GHR: variants seen among roughly 807,000 people sequenced by gnomAD.
The protein encoded by GHR is GH receptor.
Under a neutral mutation model 67.1 loss-of-function variants are expected in GHR, and 35 were observed. That is an observed-to-expected ratio of 0.52 (90% CI 0.40 to 0.69). The LOEUF (loss-of-function observed/expected upper bound fraction) is 0.69. Ranked by LOEUF, GHR falls within the 30% of genes least tolerant of loss-of-function variation. GHR has a pLI of 0.00. For missense variants in GHR, 792 were observed against 764.6 expected (o/e 1.04, Z -0.42); for synonymous variants, 272 against 269.1 (o/e 1.01, Z -0.10).
rs145445249 is a variant in GHR, at chr5:42,600,964, A to T, written c.71-28074A>T. On this transcript the variant is annotated intron_variant, in intron 2 of 9. Transcript: ENST00000230882. ...TTTTTGTGACGGAGTTTTGCTCTTG[A>T]TGCCCAGGCTGGAGTGCGATGGTGC... Among the ~76,000 whole-genome samples the T allele has an allele frequency of 6.9e-3, 490 of 71,436 alleles. 2 individuals carry two copies. Among genetic ancestry groups the T allele is most frequent in the African/African-American group, 0.028 (477 of 17,292 alleles). The allele number at this position is 71,436 out of a possible 152,430, so 46.9% of individuals were successfully genotyped here.
At chr5:42,482,054 T>G (rs1318156559) in intron 1 of GHR, among the ~76,000 whole-genome samples, 2 of 151,474 alleles carry the variant, frequency 1.3e-5, no homozygotes, top group Non-Finnish European at 2.9e-5. Flanking sequence ...TACAGATGGG[T>G]TTTTGGTGTG....
At chr5:42,575,764 G>A (rs188828034) in intron 2 of GHR, among the ~76,000 whole-genome samples, 9 of 151,362 alleles carry the variant, frequency 5.9e-5, no homozygotes, top group South Asian at 2.1e-4. Context: ...GGCTGGGCGC[G>A]ATGGCTCATG....
intron 2 of GHR, among the ~76,000 whole-genome samples, chr5:42,624,801 G>A (rs1753620899): frequency 6.6e-6 from 1 of 152,190 alleles, no homozygotes; most frequent in African/African-American, 2.4e-5. Context: ...ATGAAACAAA[G>A]TGTTCTCTGA....
intron 3 of GHR, among the ~76,000 whole-genome samples, chr5:42,665,526 C>T (rs1198090179): frequency 6.6e-6 from 1 of 151,648 alleles, no homozygotes; most frequent in Non-Finnish European, 1.5e-5. Flanking sequence ...TATTCTCACT[C>T]ATAGGTGGGA....
chr5:42,559,785 A>G (rs1749502812), intron 1 of GHR, among the ~76,000 whole-genome samples: 1 of 152,210 alleles, frequency 6.6e-6, no homozygotes, highest in Non-Finnish European at 1.5e-5. Context: ...CACATAAGGC[A>G]TTTTGGATCT....
chr5:42,441,752 G>T (rs543846336), intron 1 of GHR, among the ~76,000 whole-genome samples: 20 of 152,082 alleles, frequency 1.3e-4, no homozygotes, highest in Non-Finnish European at 2.2e-4. Flanking sequence ...CTCATGATTC[G>T]CCTGCCTTGG....
intron 3 of GHR, among the ~76,000 whole-genome samples, chr5:42,671,392 C>A (rs746071649): frequency 1.3e-5 from 2 of 151,954 alleles, no homozygotes; most frequent in African/African-American, 4.8e-5. Flanking sequence ...TAAGGGCCCA[C>A]CCCCATGATT....
intron 3 of GHR, among the ~76,000 whole-genome samples, chr5:42,671,001 G>T (rs1028682735): frequency 2.0e-5 from 3 of 151,748 alleles, no homozygotes; most frequent in Admixed American, 6.6e-5. Context: ...CAACATCTCT[G>T]ATGAACATAG....
At chr5:42,556,580 GA>G (rs1317855545) in intron 1 of GHR, among the ~76,000 whole-genome samples, 2 of 152,050 alleles carry the variant, frequency 1.3e-5, no homozygotes, top group Admixed American at 6.6e-5. Context: ...TTTTGTTTTG[GA>G]AAAAACTACT....
chr5:42,603,803 C>T (rs1479081462), intron 2 of GHR, among the ~76,000 whole-genome samples: 1 of 152,204 alleles, frequency 6.6e-6, no homozygotes, highest in Non-Finnish European at 1.5e-5. Context: ...TTGGTGTCCT[C>T]TAATTCAATT....
chr5:42,652,136 C>G (rs1755043920), intron 3 of GHR, among the ~76,000 whole-genome samples: 2 of 152,010 alleles, frequency 1.3e-5, no homozygotes, highest in Non-Finnish European at 2.9e-5. Flanking sequence ...ACTTCCTATA[C>G]CAAATAGAGA....
intron 1 of GHR, among the ~76,000 whole-genome samples, chr5:42,500,944 A>G (rs1201476843): frequency 6.6e-6 from 1 of 152,258 alleles, no homozygotes; most frequent in Non-Finnish European, 1.5e-5. Context: ...AATGAAAACA[A>G]CTAAAAAGTG....
At chr5:42,560,079 T>TA (rs199692600) in intron 1 of GHR, among the ~76,000 whole-genome samples, 7 of 152,150 alleles carry the variant, frequency 4.6e-5, no homozygotes, top group Non-Finnish European at 8.8e-5. Context: ...ATCACTTTTT[T>TA]AAAAAAAATA....
intron 2 of GHR, among the ~76,000 whole-genome samples, chr5:42,580,020 T>C (rs374950343): frequency 3.3e-4 from 50 of 152,184 alleles, no homozygotes; most frequent in Middle Eastern, 3.4e-3. Flanking sequence ...GTAATCACAA[T>C]TTGATTATGA....
In GHR at chr5:42,474,350, G is replaced by T. The variant is rs953202095; in HGVS notation, c.-12+50395G>T. Among the ~76,000 whole-genome samples the T allele has an allele frequency of 2.3e-4, 33 of 143,654 alleles. No homozygotes were observed. The East Asian group carries it at 5.6e-3, about 24-fold the overall frequency. The allele number at this position is 143,654 out of a possible 152,430, so 94.2% of individuals were successfully genotyped here. A position where few individuals can be genotyped will look rare whatever the true frequency, so the allele number is the denominator to read the frequency against. Reference sequence around the variant, plus strand: ...GAAAGAAAGAAAGAAAAGAAATAAAGAAAGAAAGCAAAGTGTCTGTCTGCC... The same window carrying T: ...GAAAGAAAGAAAGAAAAGAAATAAATAAAGAAAGCAAAGTGTCTGTCTGCC... On this transcript the variant is annotated intron_variant, in intron 1 of 9. Coordinates refer to ENST00000230882, the MANE Select transcript of GHR (RefSeq NM_000163.5).
intron 1 of GHR, among the ~76,000 whole-genome samples, chr5:42,437,748 G>T (rs1408312985): frequency 1.3e-5 from 2 of 151,358 alleles, no homozygotes; most frequent in Non-Finnish European, 2.9e-5. Context: ...TAGAGACAGG[G>T]TTTAGCCAGG....
At chr5:42,525,892 T>G (rs965218962) in intron 1 of GHR, among the ~76,000 whole-genome samples, 2 of 152,246 alleles carry the variant, frequency 1.3e-5, no homozygotes, top group South Asian at 4.1e-4. Flanking sequence ...CTGCCATGAT[T>G]TGGAGGGCTC....
At chr5:42,565,295 T>C (rs922066365) in intron 1 of GHR, among the ~76,000 whole-genome samples, 10 of 152,202 alleles carry the variant, frequency 6.6e-5, no homozygotes, top group African/African-American at 2.2e-4. Context: ...TAGGGAGTTT[T>C]TGTTTCCTTT....
At chr5:42,485,673 A>G (rs929148427) in intron 1 of GHR, among the ~76,000 whole-genome samples, 11 of 152,224 alleles carry the variant, frequency 7.2e-5, no homozygotes, top group African/African-American at 2.4e-4. Flanking sequence ...TCTATACATT[A>G]GAAGTTTCTA....
Sources: gnomAD v4.1 joint callset for allele counts (sites outside exome capture counted in the v4.1 genomes callset) on GRCh38, gnomAD v4.1.1 for gene constraint, MANE v1.5 for transcripts, NCBI Gene and HGNC (gene_info 2026-07-23, HGNC 2026-07-21) for gene names.